AFAP1: variants seen among roughly 807,000 people sequenced by gnomAD.
AFAP1 encodes the protein actin filament associated protein 1, also known as actin filament-associated protein 1.
Under a neutral mutation model 93.9 loss-of-function variants are expected in AFAP1, and 75 were observed. The observed-to-expected ratio is 0.80, with a 90% CI of 0.66 to 0.97. AFAP1 has a LOEUF of 0.97. AFAP1 is among the 50% of genes least tolerant of loss of function. AFAP1 has a pLI of 0.00. For missense variants in AFAP1, 1,201 were observed against 1,050.8 expected (o/e 1.14, Z -1.98); for synonymous variants, 517 against 430.7 (o/e 1.20, Z -2.48).
rs1714098460 is a variant in AFAP1 at position 7,763,468 on chromosome 4, C to G, written c.*297G>C. 4.9e-6 allele frequency: 2 copies of G among 409,782 alleles called. No individual in the cohort carries two copies. Among genetic ancestry groups the G allele is most frequent in the East Asian group, 4.7e-5 (1 of 21,244 alleles). 25.4% of individuals were successfully genotyped at this position (409,782 alleles called of 1,614,324 possible). The stretch of plus-strand genomic sequence containing the variant: ...GGAATCGGTGAAAGCAATGGCCTAT[C>G]TGGTTAGAAAGATGTCACTTCGCCT... On this transcript the variant is annotated 3_prime_UTR_variant, in exon 18 of 18. Transcript: ENST00000420658.
chr4:7,790,720 A>G (rs1054963860), intron 11 of AFAP1, among the ~76,000 whole-genome samples: 1 of 151,182 alleles, frequency 6.6e-6, no homozygotes, highest in Non-Finnish European at 1.5e-5. Flanking sequence ...GAGAATCATT[A>G]TAATTTACCT....
At chr4:7,898,504 A>G (rs976919601) in intron 1 of AFAP1, among the ~76,000 whole-genome samples, 2 of 152,068 alleles carry the variant, frequency 1.3e-5, no homozygotes, top group African/African-American at 2.4e-5. Context: ...TTTCAGGAAA[A>G]AAAAATTATA....
intron 8 of AFAP1, among the ~76,000 whole-genome samples, chr4:7,810,837 T>C (rs925163978): frequency 1.3e-5 from 2 of 152,006 alleles, no homozygotes; most frequent in Non-Finnish European, 2.9e-5. Context: ...CTCCCCATCA[T>C]CTCCCACGAT....
intron 3 of AFAP1, chr4:7,862,422 G>T (rs551774514): frequency 6.7e-6 from 1 of 148,264 alleles, no homozygotes; most frequent in South Asian, 2.2e-4. Flanking sequence ...GGGCGCCGGC[G>T]GCGGGAGAAT....
intron 1 of AFAP1, among the ~76,000 whole-genome samples, chr4:7,900,585 G>T (rs377518547): frequency 6.6e-6 from 1 of 152,202 alleles, no homozygotes; most frequent in African/African-American, 2.4e-5. Context: ...CCAGGCCCAC[G>T]CCAGCGACTC....
chr4:7,806,844 T>G (rs946646396), intron 9 of AFAP1, among the ~76,000 whole-genome samples: 1 of 152,252 alleles, frequency 6.6e-6, no homozygotes, highest in African/African-American at 2.4e-5. Context: ...TCAGTATTCC[T>G]GCTCCCTGAG....
At chr4:7,786,074 C>A in intron 12 of AFAP1, 120 bp downstream of exon 12, 1 of 838,072 alleles carries the variant, frequency 1.2e-6, no homozygotes, top group Non-Finnish European at 1.9e-6. Flanking sequence ...AGTCTCCTTG[C>A]CTCAGAGCAT....
chr4:7,930,604 GAAGCTCTT>G (rs1721013281), intron 1 of AFAP1, among the ~76,000 whole-genome samples: 1 of 152,110 alleles, frequency 6.6e-6, no homozygotes, highest in African/African-American at 2.4e-5. Flanking sequence ...AAAAGTCTTA[GAAGCTCTT>G]GTGTCAGGAA....
chr4:7,781,690 G>A, intron 12 of AFAP1, 63 bp from the exon 13 acceptor site: 1 of 1,532,680 alleles, frequency 6.5e-7, no homozygotes, highest in Non-Finnish European at 8.8e-7. Flanking sequence ...TTTTAGCACA[G>A]TGAGATGTCA....
rs376865782 is a variant in AFAP1 at position 7,827,404 on chromosome 4, T to A, written c.727-8233A>T. Among the ~76,000 whole-genome samples the A allele has an allele frequency of 4.6e-5, 7 of 151,428 alleles. No individual in the cohort carries two copies. In the South Asian group the frequency reaches 1.5e-3, roughly 32 times the overall value. On this transcript the variant is annotated intron_variant, in intron 6 of 17. Transcript: ENST00000420658. ...CTGACCAACATAGAGAAACCCCGTCTCTACTAAAAATACAAAATTAGCTGC... is the reference window on the plus strand; with the variant it reads ...CTGACCAACATAGAGAAACCCCGTCACTACTAAAAATACAAAATTAGCTGC...
chr4:7,772,733 G>T, intron 16 of AFAP1, 87 bp downstream of exon 16: 1 of 1,334,098 alleles, frequency 7.5e-7, no homozygotes, highest in East Asian at 2.4e-5. Context: ...CTACGCCCCA[G>T]AGCCACTCCA....
chr4:7,855,695 G>C, intron 3 of AFAP1, 121 bp from the exon 4 acceptor site: 1 of 803,762 alleles, frequency 1.2e-6, no homozygotes, highest in Non-Finnish European at 2.1e-6. Context: ...TTCGGCAAAA[G>C]AGAACCTCAT....
At chr4:7,858,638 C>T (rs577939604) in intron 3 of AFAP1, among the ~76,000 whole-genome samples, 1 of 152,250 alleles carries the variant, frequency 6.6e-6, no homozygotes, top group Admixed American at 6.5e-5. Flanking sequence ...CACGGGAAAG[C>T]AGAGGCCAGG....
At chr4:7,763,837 G>A (rs1051076610) in intron 17 of AFAP1, 46 bp from the exon 18 acceptor site, 76 of 1,548,872 alleles carry the variant, frequency 4.9e-5, no homozygotes, top group South Asian at 7.1e-5. Context: ...AAGAGGATCA[G>A]GCTGGGACAA....
intron 10 of AFAP1, chr4:7,798,847 C>T: frequency 4.1e-6 from 4 of 987,416 alleles, no homozygotes; most frequent in Non-Finnish European, 4.8e-6. Context: ...GCACCCCGAG[C>T]TTCTCTGTCT....
At chr4:7,850,255 C>T (rs1314861527) in intron 4 of AFAP1, among the ~76,000 whole-genome samples, 1 of 152,158 alleles carries the variant, frequency 6.6e-6, no homozygotes, top group Non-Finnish European at 1.5e-5. Flanking sequence ...CCCTGTGAAC[C>T]TGAAACTCTA....
At chr4:7,773,266 G>A (rs1300670749) in intron 15 of AFAP1, 2 of 471,156 alleles carry the variant, frequency 4.2e-6, no homozygotes, top group African/African-American at 2.0e-5. Flanking sequence ...AAGGCCAGGA[G>A]CTCCTGGCTC....
chr4:7,852,021 C>T (rs1577295385), intron 4 of AFAP1, among the ~76,000 whole-genome samples: 3 of 152,266 alleles, frequency 2.0e-5, no homozygotes, highest in Non-Finnish European at 4.4e-5. Context: ...CTGATCTTGC[C>T]ACAGACTCCA....
intron 4 of AFAP1, among the ~76,000 whole-genome samples, chr4:7,848,129 G>GGAAGGAAGGAAGGAAGGA (rs1560197086): frequency 6.9e-4 from 44 of 63,544 alleles, no homozygotes; most frequent in African/African-American, 4.0e-3. Context: ...GGAAGGAAGG[G>GGAAGGAAGGAAGGAAGGA]AGTGAGTGAG....
Sources: allele counts gnomAD v4.1 joint callset (sites outside exome capture counted in the v4.1 genomes callset), GRCh38; gene constraint gnomAD v4.1.1; transcripts MANE v1.5; gene names NCBI Gene and HGNC (gene_info 2026-07-23, HGNC 2026-07-21).